The following PTK7 variants were observed in gnomAD, a reference collection of about 807,000 sequenced individuals.
PTK7 encodes the protein protein tyrosine kinase 7 (inactive).
PTK7 carries 39 observed loss-of-function variants against 116.6 expected under a neutral mutation model. That is an observed-to-expected ratio of 0.33 (90% confidence interval 0.26 to 0.44). PTK7 has a LOEUF of 0.44. Among genes scored for constraint, PTK7 ranks in the 20% least tolerant of loss-of-function variants. The pLI is 1.00. For missense variants in PTK7, 1,169 were observed against 1,425.6 expected, an observed-to-expected ratio of 0.82 and a Z score of 2.90; for synonymous variants, 546 against 563.6, an observed-to-expected ratio of 0.97 and a Z score of 0.44.
intron 17 of PTK7, among the ~76,000 whole-genome samples, chr6:43,151,455 G>A (rs1246622345): frequency 6.6e-6 from 1 of 150,826 alleles, no homozygotes; most frequent in African/African-American, 2.4e-5. Context: ...CTCGTGATCC[G>A]CCCGCCTCAG....
chr6:43,144,147 C>G (rs1770589077), intron 14 of PTK7, among the ~76,000 whole-genome samples: 1 of 152,114 alleles, frequency 6.6e-6, no homozygotes, highest in Non-Finnish European at 1.5e-5. Context: ...CCCATGAAAG[C>G]AAAAATCCTT....
At chr6:43,091,994 C>T (rs546689881) in intron 1 of PTK7, among the ~76,000 whole-genome samples, 1 of 152,120 alleles carries the variant, frequency 6.6e-6, no homozygotes, top group East Asian at 1.9e-4. Flanking sequence ...CCCTGAGCAG[C>T]TGGGATTACA....
intron 1 of PTK7, among the ~76,000 whole-genome samples, chr6:43,116,171 A>C (rs1181130989): frequency 1.3e-5 from 2 of 152,106 alleles, no homozygotes; most frequent in African/African-American, 4.8e-5. Flanking sequence ...CCCAGAAAGA[A>C]GGGTTGGTTT....
chr6:43,120,562 C>G (rs565582784), intron 1 of PTK7, among the ~76,000 whole-genome samples: 2 of 152,322 alleles, frequency 1.3e-5, no homozygotes, highest in Admixed American at 1.3e-4. Flanking sequence ...TGTTAGGTCA[C>G]TCTTAATCCC....
At chr6:43,159,549 T>C in intron 18 of PTK7, 3 of 570,692 alleles carry the variant, frequency 5.3e-6, no homozygotes, top group Non-Finnish European at 6.3e-6. Flanking sequence ...TCTGTTAACA[T>C]TTAGGCAAAG....
At position 43,143,350 on chromosome 6, in the gene PTK7, G is replaced by C; in HGVS notation, c.2048-67G>C. 6.6e-7 allele frequency: 1 copy of C among 1,508,814 alleles called. No homozygotes were observed. The highest frequency in any genetic ancestry group is 9.1e-7 in the Non-Finnish European group (1 of 1,100,482). The allele number at this position is 1,508,814 out of a possible 1,614,324, so 93.5% of individuals were successfully genotyped here. A position where few individuals can be genotyped will look rare whatever the true frequency, so the allele number is the denominator to read the frequency against. On this transcript the variant is annotated intron_variant, in intron 13 of 19. Transcript: ENST00000230419. This position sits in a 1 kb window ranked among gnomAD's most constrained non-coding sequence, Gnocchi z 4.2. ...TGCCCTGTTGATGGGGTTGGGAGGA[G>C]TTAGTAGAGAAGCAGGGCTTCTTTT...
chr6:43,119,708 TC>T (rs1382503530), intron 1 of PTK7, among the ~76,000 whole-genome samples: 1 of 152,180 alleles, frequency 6.6e-6, no homozygotes, highest in Non-Finnish European at 1.5e-5. Context: ...AGTCTCCTGT[TC>T]CAGCAGCCCT....
chr6:43,099,112 A>T (rs1435269675), intron 1 of PTK7, among the ~76,000 whole-genome samples: 6 of 148,928 alleles, frequency 4.0e-5, no homozygotes, highest in Admixed American at 6.7e-5. Flanking sequence ...TCCAGTACTT[A>T]AAAAAAAAAG....
intron 1 of PTK7, among the ~76,000 whole-genome samples, chr6:43,105,909 C>T (rs1297105606): frequency 6.6e-6 from 1 of 152,098 alleles, no homozygotes; most frequent in Non-Finnish European, 1.5e-5. Context: ...TTTAAGCCAC[C>T]CAGTTGTGGT....
intron 1 of PTK7, among the ~76,000 whole-genome samples, chr6:43,094,541 T>G (rs1187894027): frequency 6.6e-6 from 1 of 151,456 alleles, no homozygotes; most frequent in African/African-American, 2.4e-5. Context: ...CTCGGCTCAC[T>G]GCAAGCTCCG....
At chr6:43,080,016 G>A (rs979448166) in intron 1 of PTK7, among the ~76,000 whole-genome samples, 1 of 144,182 alleles carries the variant, frequency 6.9e-6, no homozygotes, top group Non-Finnish European at 1.5e-5. Flanking sequence ...AGCCATGATT[G>A]TGTCACTGCA....
rs1770562297 is a variant in PTK7, at chr6:43,143,709, G to A, written c.2251+89G>A. Reference sequence around the variant, plus strand: ...CGGAGGGGAGAGCGCCAGCACTCTGGAAACCGAGCGGCTGTTGCTGGGTCC... The same window carrying A: ...CGGAGGGGAGAGCGCCAGCACTCTGAAAACCGAGCGGCTGTTGCTGGGTCC... On this transcript the variant is annotated intron_variant, in intron 14 of 19. Transcript: ENST00000230419. This position sits in a 1 kb window ranked among gnomAD's most constrained non-coding sequence, Gnocchi z 4.2. The A allele has an allele frequency of 6.6e-6, 9 of 1,371,004 alleles. No individual in the cohort carries two copies. Among genetic ancestry groups the A allele is most frequent in the Non-Finnish European group, 8.9e-6 (9 of 1,016,080 alleles). 84.9% of individuals were successfully genotyped at this position (1,371,004 alleles called of 1,614,324 possible).
intron 1 of PTK7, among the ~76,000 whole-genome samples, chr6:43,102,123 C>T (rs1767618429): frequency 6.6e-6 from 1 of 151,668 alleles, no homozygotes; most frequent in Admixed American, 6.6e-5. Context: ...GGTTCCAGCC[C>T]GTTCTTGGGA....
At position 43,143,616 on chromosome 6, in the gene PTK7, CAACGGTGAGGGGCCCTG is replaced by C. The variant is rs1055509100; in HGVS notation, c.2248_2251+13del. 1 of 1,611,380 alleles carries C rather than the reference CAACGGTGAGGGGCCCTG, an allele frequency of 6.2e-7. No individual in the cohort carries two copies. Among genetic ancestry groups the C allele is most frequent in the African/African-American group, 1.3e-5 (1 of 74,868 alleles). ...GCGAGGAGCCAGAGATGGAATGCCT[CAACGGTGAGGGGCCCTG>C]GACGGGGAGGTGGTGCCCGTGTGCG... On this transcript the variant is annotated splice_donor_variant and splice_donor_5th_base_variant and coding_sequence_variant and intron_variant, in exon 14 of 20. Coordinates refer to ENST00000230419, the MANE Select transcript of PTK7 (RefSeq NM_002821.5). LOFTEE classifies it high-confidence loss of function. This position sits in a 1 kb window ranked among gnomAD's most constrained non-coding sequence, Gnocchi z 4.2.
In PTK7 at chr6:43,160,915, G is replaced by T; in HGVS notation, c.*34G>T. 6.2e-7 allele frequency: 1 copy of T among 1,608,412 alleles called. No individual in the cohort carries two copies. Among genetic ancestry groups the T allele is most frequent in the Non-Finnish European group, 8.5e-7 (1 of 1,178,062 alleles). On this transcript the variant is annotated 3_prime_UTR_variant, in exon 20 of 20. Transcript: ENST00000230419. The stretch of plus-strand genomic sequence containing the variant: ...CCCGCTCAGGATGGCCTGGGCAGGG[G>T]AGGACATCTCTAGAGGGAAGCTCAC...
rs974946900 is a variant in PTK7 at position 43,143,308 on chromosome 6, C to G, written c.2048-109C>G. The G allele has an allele frequency of 6.3e-6, 7 of 1,104,094 alleles. No homozygotes were observed. Among genetic ancestry groups the G allele is most frequent in the Middle Eastern group, 2.1e-4 (1 of 4,820 alleles). 68.4% of individuals were successfully genotyped at this position (1,104,094 alleles called of 1,614,324 possible). A position where few individuals can be genotyped will look rare whatever the true frequency, so the allele number is the denominator to read the frequency against. ...AAGCCAGTGAAGGTGGTGACCCTCC[C>G]GGGCCATCTGTTAAGTTGCCCTGTT... On this transcript the variant is annotated intron_variant, in intron 13 of 19. Transcript: ENST00000230419. The surrounding 1 kb of genome is among the most constrained non-coding windows in gnomAD (Gnocchi z 4.2).
At chr6:43,156,405 C>A (rs894320266) in intron 17 of PTK7, among the ~76,000 whole-genome samples, 3 of 151,668 alleles carry the variant, frequency 2.0e-5, no homozygotes, top group African/African-American at 7.3e-5. Flanking sequence ...AGTTTGAGAC[C>A]AGCCTGAGCA....
chr6:43,140,862 G>A (rs982258483), intron 10 of PTK7, among the ~76,000 whole-genome samples: 5 of 151,958 alleles, frequency 3.3e-5, no homozygotes, highest in South Asian at 2.1e-4. Context: ...TTGTAACGGT[G>A]TAATTTTATA....
intron 6 of PTK7, 46 bp downstream of exon 6, chr6:43,132,210 CATTTTTGGCACATAGAG>C (rs1365145266): frequency 1.3e-6 from 2 of 1,556,624 alleles, no homozygotes; most frequent in Admixed American, 3.9e-5. Context: ...CTGCCTTTAA[CATTTTTGGCACATAGAG>C]ATTTAGGCTT....
Sources: gnomAD v4.1 joint callset for allele counts (sites outside exome capture counted in the v4.1 genomes callset) on GRCh38, gnomAD v4.1.1 for gene constraint, Gnocchi (gnomAD v3.1) non-coding constraint, MANE v1.5 for transcripts, NCBI Gene and HGNC (gene_info 2026-07-23, HGNC 2026-07-21) for gene names.